COL24A1: variants seen among roughly 807,000 people sequenced by gnomAD.
COL24A1 encodes the protein collagen alpha-1(XXIV) chain.
Under a neutral mutation model 253.9 loss-of-function variants are expected in COL24A1, and 224 were observed. That is an observed-to-expected ratio of 0.88 (90% CI 0.79 to 0.99). COL24A1 has a LOEUF of 0.99. COL24A1 is among the 50% of genes least tolerant of loss of function. The probability of loss-of-function intolerance (pLI) is 0.00; values close to 1 mark genes in which losing one functional copy is unlikely to be tolerated. For missense variants in COL24A1, 2,131 were observed against 2,068.5 expected, an observed-to-expected ratio of 1.03 and a Z score of -0.59; for synonymous variants, 685 against 673.7, an observed-to-expected ratio of 1.02 and a Z score of -0.26.
intron 10 of COL24A1, among the ~76,000 whole-genome samples, chr1:86,054,299 C>A (rs538942762): frequency 2.0e-5 from 3 of 152,052 alleles, no homozygotes; most frequent in African/African-American, 7.2e-5. Flanking sequence ...GCAATTGTAA[C>A]CTAATTAAAC....
intron 32 of COL24A1, among the ~76,000 whole-genome samples, chr1:85,878,167 T>C (rs928312738): frequency 1.3e-5 from 2 of 152,210 alleles, no homozygotes; most frequent in Admixed American, 1.3e-4. Context: ...TATAACAAAA[T>C]AGTATAAATT....
chr1:85,896,939 C>T (rs1419916498), intron 28 of COL24A1, among the ~76,000 whole-genome samples: 2 of 152,152 alleles, frequency 1.3e-5, no homozygotes, highest in Non-Finnish European at 2.9e-5. Flanking sequence ...ACAAAAATAG[C>T]TAACACAGTA....
intron 18 of COL24A1, among the ~76,000 whole-genome samples, chr1:86,021,013 G>T (rs931763038): frequency 5.3e-5 from 8 of 152,100 alleles, no homozygotes; most frequent in Non-Finnish European, 1.2e-4. Flanking sequence ...TGTTCTTTGG[G>T]TTAAATAATT....
At chr1:85,843,766 AG>A (rs1313229897) in intron 39 of COL24A1, among the ~76,000 whole-genome samples, 1 of 152,096 alleles carries the variant, frequency 6.6e-6, no homozygotes, top group Non-Finnish European at 1.5e-5. Flanking sequence ...GCATTTGCCT[AG>A]AAGATAAGTG....
chr1:85,748,541 G>T (rs984379307), intron 55 of COL24A1, among the ~76,000 whole-genome samples: 2 of 152,040 alleles, frequency 1.3e-5, no homozygotes, highest in African/African-American at 2.4e-5. Context: ...CAAGATGGCC[G>T]AATAGGAACA....
intron 32 of COL24A1, among the ~76,000 whole-genome samples, chr1:85,877,414 G>A (rs1263198570): frequency 1.3e-5 from 2 of 152,204 alleles, no homozygotes; most frequent in African/African-American, 4.8e-5. Context: ...CCAGGCTGAA[G>A]TGCAATGGTG....
chr1:86,051,669 A>T (rs1700316097), intron 10 of COL24A1, among the ~76,000 whole-genome samples: 1 of 152,040 alleles, frequency 6.6e-6, no homozygotes, highest in Non-Finnish European at 1.5e-5. Flanking sequence ...AAAACTTAAG[A>T]CACAGTTTTC....
rs542927051 is a variant in COL24A1 at position 86,125,324 on chromosome 1, T to C, written c.1012A>G (p.Ile338Val). The C allele has an allele frequency of 1.4e-5, 22 of 1,613,668 alleles. No homozygotes were observed. In the African/African-American group the frequency reaches 2.8e-4, roughly 21 times the overall value. ...TNHGIQAKEM[I>V]TEEDTQTNFS... ...TTTGTCTGAGTATCTTCCTCAGTGA[T>C]CATTTCTTTGGCCTGAATCCCATGG... Residue 338 changes from isoleucine to valine, a missense_variant, in exon 3 of 60, where the codon ATC becomes GTC. Ile to Val is a conservative substitution (Grantham distance 29). Coordinates refer to ENST00000370571, the MANE Select transcript of COL24A1 (RefSeq NM_152890.7).
At chr1:86,135,427 G>A (rs924110852) in intron 2 of COL24A1, among the ~76,000 whole-genome samples, 3 of 151,916 alleles carry the variant, frequency 2.0e-5, no homozygotes, top group Non-Finnish European at 2.9e-5. Flanking sequence ...ATTAGTTTAC[G>A]ATTTTCTTCT....
At chr1:85,991,763 T>C (rs560741898) in intron 19 of COL24A1, among the ~76,000 whole-genome samples, 2 of 152,240 alleles carry the variant, frequency 1.3e-5, no homozygotes, top group South Asian at 2.1e-4. Flanking sequence ...AAGAAAAAGA[T>C]GTCAACACAG....
chr1:86,059,394 T>A (rs1700906032), intron 8 of COL24A1, among the ~76,000 whole-genome samples: 1 of 152,136 alleles, frequency 6.6e-6, no homozygotes. Context: ...ATATGATCAT[T>A]AATAATCATA....
At chr1:85,951,149 C>G (rs936270464) in intron 24 of COL24A1, among the ~76,000 whole-genome samples, 1 of 152,144 alleles carries the variant, frequency 6.6e-6, no homozygotes, top group Non-Finnish European at 1.5e-5. Context: ...CCTTTCATTT[C>G]TTAATTTATC....
intron 24 of COL24A1, chr1:85,961,025 C>T (rs1199551702): frequency 4.3e-6 from 2 of 466,372 alleles, no homozygotes; most frequent in East Asian, 7.9e-5. Context: ...CACAAATATA[C>T]TTTATATTGG....
At chr1:86,037,332 A>G (rs1699113903) in intron 12 of COL24A1, among the ~76,000 whole-genome samples, 1 of 152,186 alleles carries the variant, frequency 6.6e-6, no homozygotes, top group Admixed American at 6.6e-5. Flanking sequence ...GTGATGAGAT[A>G]TCACTGCCAT....
At chr1:85,824,655 T>A (rs963003382) in intron 43 of COL24A1, among the ~76,000 whole-genome samples, 1 of 152,150 alleles carries the variant, frequency 6.6e-6, no homozygotes, top group Admixed American at 6.6e-5. Context: ...TAAGAAGGAA[T>A]GCTGACCTAC....
Position 86,126,099 on chromosome 1 carries a change from T to A in COL24A1, c.237A>T (p.Glu79Asp), listed in dbSNP as rs1243328819. 3 of 1,613,202 alleles carry A rather than the reference T, an allele frequency of 1.9e-6. No homozygotes were observed. The highest frequency in any genetic ancestry group is 2.5e-6 in the Non-Finnish European group (3 of 1,179,772). Residue 79 changes from glutamate to aspartate, a missense_variant, in exon 3 of 60, where the codon GAA (glutamate) becomes GAT (aspartate). Transcript: ENST00000370571. The stretch of plus-strand genomic sequence containing the variant: ...CATCATTTTTAAAAATGACTCCTGA[T>A]TCTGTTAAATGGACCCCCTGAGGTA... ...TPLPQGVHLT[E>D]SGVIFKNDAY...
intron 12 of COL24A1, among the ~76,000 whole-genome samples, chr1:86,039,038 T>C (rs1328313781): frequency 4.6e-5 from 7 of 152,294 alleles, no homozygotes; most frequent in African/African-American, 7.2e-5. Flanking sequence ...AGATAGCTAA[T>C]ACATAGTAAC....
intron 24 of COL24A1, among the ~76,000 whole-genome samples, chr1:85,951,007 G>C (rs1021765739): frequency 4.6e-5 from 7 of 152,160 alleles, no homozygotes; most frequent in Admixed American, 6.5e-5. Context: ...TTATTCTCAT[G>C]CTGTTGTTCC....
In COL24A1 at chr1:85,868,036, T is replaced by A. The variant is rs546819538; in HGVS notation, c.3300+483A>T. Among the ~76,000 whole-genome samples, 20 of 152,246 alleles carry A rather than the reference T, an allele frequency of 1.3e-4. No homozygotes were observed. In the South Asian group the frequency reaches 3.9e-3, roughly 30 times the overall value. The stretch of plus-strand genomic sequence containing the variant: ...CTGGGATTACAGGCCTGGCCATTAC[T>A]CTTATTATTTATTCACATCTTCCAC... On this transcript the variant is annotated intron_variant, in intron 37 of 59. Coordinates refer to ENST00000370571, the MANE Select transcript of COL24A1 (RefSeq NM_152890.7).
Sources: allele counts gnomAD v4.1 joint callset (sites outside exome capture counted in the v4.1 genomes callset), GRCh38; gene constraint gnomAD v4.1.1; transcripts MANE v1.5; gene names NCBI Gene and HGNC (gene_info 2026-07-23, HGNC 2026-07-21).